KSR2: variants seen among roughly 807,000 people sequenced by gnomAD.
KSR2 encodes the protein kinase suppressor of ras 2.
Under a neutral mutation model 107.8 loss-of-function variants are expected in KSR2, and 25 were observed. The observed-to-expected ratio is 0.23, with a 90% CI of 0.17 to 0.32. The LOEUF is 0.32. KSR2 is among the 10% of genes least tolerant of loss of function. The pLI is 1.00. For missense variants in KSR2, 887 were observed against 1,268.9 expected, an observed-to-expected ratio of 0.70 and a Z score of 4.57; for synonymous variants, 480 against 507.0, an observed-to-expected ratio of 0.95 and a Z score of 0.71.
intron 15 of KSR2, 124 bp from the exon 16 acceptor site, chr12:117,484,673 G>T: frequency 1.0e-6 from 1 of 953,960 alleles, no homozygotes; most frequent in South Asian, 1.7e-5. Context: ...CTCAACAGAG[G>T]CAGGGCCTGG....
chr12:117,572,244 G>A (rs1247700713), intron 7 of KSR2, among the ~76,000 whole-genome samples: 3 of 152,192 alleles, frequency 2.0e-5, no homozygotes, highest in Non-Finnish European at 2.9e-5. Context: ...CTCCAGCAGA[G>A]TACCCTGATG....
At chr12:117,883,855 G>T (rs1446804446) in intron 1 of KSR2, among the ~76,000 whole-genome samples, 1 of 127,412 alleles carries the variant, frequency 7.8e-6, no homozygotes, top group African/African-American at 3.0e-5. Context: ...CAGCCTGGGC[G>T]ACAGAGCAAG....
intron 3 of KSR2, among the ~76,000 whole-genome samples, chr12:117,829,466 G>C (rs1891875197): frequency 6.6e-6 from 1 of 152,196 alleles, no homozygotes; most frequent in African/African-American, 2.4e-5. Context: ...AAGACAAGAA[G>C]TACATGTGCT....
intron 3 of KSR2, among the ~76,000 whole-genome samples, chr12:117,796,380 G>T (rs1292991365): frequency 6.6e-6 from 1 of 152,162 alleles, no homozygotes; most frequent in African/African-American, 2.4e-5. Context: ...ATGATCTCAG[G>T]AAATTACATC....
chr12:117,564,868 C>T (rs559540126), intron 7 of KSR2, among the ~76,000 whole-genome samples: 4 of 152,292 alleles, frequency 2.6e-5, no homozygotes, highest in Non-Finnish European at 4.4e-5. Context: ...CCTATCAAAA[C>T]GTTTTTGAAA....
intron 3 of KSR2, among the ~76,000 whole-genome samples, chr12:117,847,627 AC>A (rs1400271568): frequency 6.6e-6 from 1 of 150,382 alleles, no homozygotes; most frequent in Non-Finnish European, 1.5e-5. Context: ...AGATCCAGAC[AC>A]CTTCTGTTCA....
At chr12:117,556,777 G>A (rs1162647028) in intron 8 of KSR2, among the ~76,000 whole-genome samples, 1 of 152,204 alleles carries the variant, frequency 6.6e-6, no homozygotes, top group African/African-American at 2.4e-5. Flanking sequence ...TTGCTCCCTG[G>A]TGATTTGAAG....
At chr12:117,486,257 A>G (rs1440343716) in intron 14 of KSR2, among the ~76,000 whole-genome samples, 4 of 152,252 alleles carry the variant, frequency 2.6e-5, no homozygotes, top group Non-Finnish European at 5.9e-5. Context: ...AACTATGTTC[A>G]GCCTCATTGA....
At position 117,469,782 on chromosome 12, in the gene KSR2, A is replaced by G. The variant is rs747231159; in HGVS notation, c.2726T>C (p.Phe909Ser). 2 of 1,613,930 alleles carry G rather than the reference A, an allele frequency of 1.2e-6. No homozygotes were observed. The highest frequency in any genetic ancestry group is 2.7e-5 in the African/African-American group (2 of 75,064). The change falls in exon 19 of 20, where the codon TTC (phenylalanine) becomes TCC (serine). Residue 909 changes from phenylalanine to serine, a missense_variant. Physicochemically the swap from Phe to Ser is radical, Grantham distance 155 (BLOSUM62 -2). Around this residue, in one of 8 missense-constraint regions of KSR2, gnomAD observed 308 missense variants for 506.2 expected, o/e 0.61. Coordinates refer to ENST00000339824, the MANE Select transcript of KSR2 (RefSeq NM_173598.6). ...MGKEISDILL[F>S]CWAFEQEERP... ...CTCTTCTTGTTCAAAGGCCCAGCAG[A>G]AGAGAAGAATGTCCTAAATGAAACC...
chr12:117,800,771 C>T (rs748425139), intron 3 of KSR2, among the ~76,000 whole-genome samples: 2 of 151,876 alleles, frequency 1.3e-5, no homozygotes, highest in Non-Finnish European at 2.9e-5. Flanking sequence ...CCTCAACAGG[C>T]CCCGGTGTGT....
chr12:117,835,845 T>C (rs61430153), intron 3 of KSR2, among the ~76,000 whole-genome samples: 14,465 of 151,846 alleles, frequency 0.095, 791 homozygotes, highest in African/African-American at 0.15. Flanking sequence ...TGTGCTGTAA[T>C]TGGAGACCAC....
At chr12:117,664,062 A>G (rs1317418044) in intron 5 of KSR2, among the ~76,000 whole-genome samples, 3 of 152,192 alleles carry the variant, frequency 2.0e-5, no homozygotes, top group Non-Finnish European at 4.4e-5. Context: ...TTCTAGCCCT[A>G]CCTGAGTGAG....
chr12:117,796,392 C>T (rs1890630441), intron 3 of KSR2, among the ~76,000 whole-genome samples: 1 of 152,134 alleles, frequency 6.6e-6, no homozygotes, highest in Non-Finnish European at 1.5e-5. Flanking sequence ...AATTACATCC[C>T]AGGCATAAGG....
intron 4 of KSR2, among the ~76,000 whole-genome samples, chr12:117,668,524 T>C (rs945328064): frequency 6.6e-6 from 1 of 152,188 alleles, no homozygotes. Flanking sequence ...ATAGCAGCAT[T>C]GCTGGAGAAG....
At position 117,956,772 on chromosome 12, in the gene KSR2, A is replaced by AT. The variant is rs201050720; in HGVS notation, c.180+11303dup. ...TGAGACCCTCATCTCTCTTAAAAAA[A>AT]TTTTTTTTAATTTTTAAAAAAAGTT... On this transcript the variant is annotated intron_variant, in intron 1 of 19. Transcript: ENST00000339824. 1.9e-3 allele frequency among the ~76,000 whole-genome samples: 288 copies of AT among 151,502 alleles called. 2 individuals carry two copies. Among genetic ancestry groups the AT allele is most frequent in the African/African-American group, 6.8e-3 (279 of 41,232 alleles).
chr12:117,642,817 G>A (rs1883439827), intron 5 of KSR2, among the ~76,000 whole-genome samples: 3 of 152,160 alleles, frequency 2.0e-5, no homozygotes, highest in Non-Finnish European at 1.5e-5. Flanking sequence ...AAATTTCTAG[G>A]AGAGTAGTTT....
At chr12:117,736,172 C>T (rs1464964048) in intron 4 of KSR2, among the ~76,000 whole-genome samples, 7 of 152,170 alleles carry the variant, frequency 4.6e-5, no homozygotes, top group Non-Finnish European at 5.9e-5. Context: ...ATACATCCCA[C>T]GGGGCCCTGT....
intron 9 of KSR2, among the ~76,000 whole-genome samples, chr12:117,553,010 G>A (rs1199817996): frequency 1.3e-5 from 2 of 152,214 alleles, no homozygotes; most frequent in Admixed American, 6.5e-5. Flanking sequence ...AAGGATGATT[G>A]TCGTACGCCA....
At chr12:117,606,136 T>C (rs1468382071) in intron 5 of KSR2, among the ~76,000 whole-genome samples, 1 of 152,088 alleles carries the variant, frequency 6.6e-6, no homozygotes, top group Non-Finnish European at 1.5e-5. Context: ...CATGCAGGAA[T>C]GGATAGGTGA....
Sources: allele counts gnomAD v4.1 joint callset (sites outside exome capture counted in the v4.1 genomes callset), GRCh38; gene constraint gnomAD v4.1.1; regional missense constraint gnomAD v4.1.1; transcripts MANE v1.5; gene names NCBI Gene and HGNC (gene_info 2026-07-23, HGNC 2026-07-21).